TBC1D2B: variants seen among roughly 807,000 people sequenced by gnomAD.
The protein encoded by TBC1D2B is TBC1 domain family, member 2B.
In TBC1D2B, 64 loss-of-function variants were observed where a neutral mutation model predicts 100.8. The ratio of observed to expected loss-of-function variants is 0.64; its 90% CI spans 0.52 to 0.78. The LOEUF (loss-of-function observed/expected upper bound fraction) is 0.78. TBC1D2B is among the 30% of genes least tolerant of loss of function. The pLI, the probability that TBC1D2B is intolerant of heterozygous loss-of-function variation, is 0.00. For synonymous variants in TBC1D2B, 480 were observed against 479.7 expected, an observed-to-expected ratio of 1.00 and a Z score of -0.01; for missense variants, 1,052 against 1,218.4, an observed-to-expected ratio of 0.86 and a Z score of 2.03.
chr15:78,070,633 CA>C (rs888451438), intron 1 of TBC1D2B, among the ~76,000 whole-genome samples: 1 of 152,174 alleles, frequency 6.6e-6, no homozygotes, highest in Non-Finnish European at 1.5e-5. Context: ...ATCTACAAGG[CA>C]AGGGCAGTTT....
At chr15:78,005,622 C>T (rs2072045065) in intron 10 of TBC1D2B, among the ~76,000 whole-genome samples, 1 of 152,148 alleles carries the variant, frequency 6.6e-6, no homozygotes, top group Non-Finnish European at 1.5e-5. Context: ...AATGCTCATG[C>T]TATAATGTGA....
intron 4 of TBC1D2B, among the ~76,000 whole-genome samples, chr15:78,027,045 C>G (rs2072688972): frequency 6.6e-6 from 1 of 151,276 alleles, no homozygotes; most frequent in South Asian, 2.1e-4. Flanking sequence ...ACAGATACTC[C>G]ATCACTAAAA....
chr15:78,011,578 C>T (rs1178107729), intron 9 of TBC1D2B, among the ~76,000 whole-genome samples: 1 of 150,758 alleles, frequency 6.6e-6, no homozygotes, highest in Non-Finnish European at 1.5e-5. Flanking sequence ...TCAAGCGATC[C>T]TCCCACCTCA....
chr15:78,065,395 CA>C (rs1005927132), intron 1 of TBC1D2B, among the ~76,000 whole-genome samples: 16 of 152,320 alleles, frequency 1.1e-4, no homozygotes, highest in African/African-American at 3.9e-4. Context: ...TCTCACAGCC[CA>C]GGCCACCCAG....
intron 9 of TBC1D2B, among the ~76,000 whole-genome samples, chr15:78,011,786 T>G (rs1342830336): frequency 2.0e-5 from 3 of 151,904 alleles, no homozygotes; most frequent in African/African-American, 7.3e-5. Context: ...GTAGCTGGGA[T>G]TACAGGCATG....
chr15:78,018,660 C>G (rs1402854045), intron 6 of TBC1D2B, among the ~76,000 whole-genome samples: 2 of 152,188 alleles, frequency 1.3e-5, no homozygotes, highest in Non-Finnish European at 2.9e-5. Context: ...ACTTTGAGAG[C>G]AGGTCGGGGC....
At chr15:78,058,100 T>C (rs1364020447) in intron 1 of TBC1D2B, among the ~76,000 whole-genome samples, 2 of 152,234 alleles carry the variant, frequency 1.3e-5, no homozygotes, top group Admixed American at 1.3e-4. Flanking sequence ...ATACACTGAA[T>C]AAATACGATA....
At chr15:78,072,902 G>A (rs1223377026) in intron 1 of TBC1D2B, among the ~76,000 whole-genome samples, 5 of 152,138 alleles carry the variant, frequency 3.3e-5, no homozygotes, top group African/African-American at 1.2e-4. Context: ...TTCCAGACAT[G>A]TCCAGCAAAA....
At chr15:78,010,480 T>G (rs2072194677) in intron 9 of TBC1D2B, among the ~76,000 whole-genome samples, 2 of 152,044 alleles carry the variant, frequency 1.3e-5, no homozygotes, top group African/African-American at 4.8e-5. Context: ...TAGATAAAAC[T>G]ATAATGAACT....
intron 12 of TBC1D2B, among the ~76,000 whole-genome samples, chr15:78,001,079 C>T (rs2071899747): frequency 1.3e-5 from 2 of 152,354 alleles, no homozygotes; most frequent in South Asian, 2.1e-4. Flanking sequence ...TGGCACCAGC[C>T]GGGCTGAGCT....
intron 10 of TBC1D2B, among the ~76,000 whole-genome samples, chr15:78,007,101 A>T (rs776112034): frequency 3.9e-4 from 59 of 152,172 alleles, no homozygotes; most frequent in Non-Finnish European, 7.4e-4. Context: ...CTTCCCAGGG[A>T]GATGAGCGAT....
chr15:78,051,613 A>C (rs2073315508), intron 2 of TBC1D2B, among the ~76,000 whole-genome samples: 1 of 152,218 alleles, frequency 6.6e-6, no homozygotes, highest in Admixed American at 6.5e-5. Context: ...CTAGACTACA[A>C]ATCAAAATGT....
At chr15:78,047,645 G>A (rs1053001374) in intron 2 of TBC1D2B, among the ~76,000 whole-genome samples, 5 of 152,158 alleles carry the variant, frequency 3.3e-5, no homozygotes, top group Non-Finnish European at 7.4e-5. Context: ...AGAAAAAAAA[G>A]TTCAAACACC....
chr15:78,040,609 AG>A (rs752392269), intron 3 of TBC1D2B, among the ~76,000 whole-genome samples: 6,534 of 124,286 alleles, frequency 0.053, 346 homozygotes, highest in African/African-American at 0.12. Context: ...AGAAAGTGAG[AG>A]AGAAAGAAAG....
chr15:78,027,463 G>A (rs530757281), intron 4 of TBC1D2B, among the ~76,000 whole-genome samples: 1 of 152,344 alleles, frequency 6.6e-6, no homozygotes, highest in African/African-American at 2.4e-5. Context: ...TGAATAACAT[G>A]GACAAGTTGG....
At chr15:78,023,400 T>C (rs748672761) in intron 6 of TBC1D2B, among the ~76,000 whole-genome samples, 1 of 152,138 alleles carries the variant, frequency 6.6e-6, no homozygotes, top group African/African-American at 2.4e-5. Context: ...AGCAAGAATG[T>C]TATGATCCTC....
At chr15:78,033,740 T>A (rs1443068768) in intron 3 of TBC1D2B, among the ~76,000 whole-genome samples, 1 of 152,162 alleles carries the variant, frequency 6.6e-6, no homozygotes, top group African/African-American at 2.4e-5. Flanking sequence ...TTTTCTGAGG[T>A]GGATTAAAGG....
chr15:78,048,705 C>T (rs2073250972), intron 2 of TBC1D2B, among the ~76,000 whole-genome samples: 1 of 152,232 alleles, frequency 6.6e-6, no homozygotes, highest in African/African-American at 2.4e-5. Flanking sequence ...AAGAGCCCTT[C>T]CCACTTACTG....
At chr15:78,065,487 T>G (rs912838827) in intron 1 of TBC1D2B, among the ~76,000 whole-genome samples, 37 of 152,194 alleles carry the variant, frequency 2.4e-4, no homozygotes, top group Admixed American at 2.2e-3. Context: ...ACAGGAAATG[T>G]AGAAGCCTGT....
Sources: gnomAD v4.1 joint callset for allele counts (sites outside exome capture counted in the v4.1 genomes callset) on GRCh38, gnomAD v4.1.1 for gene constraint, MANE v1.5 for transcripts, NCBI Gene and HGNC (gene_info 2026-07-23, HGNC 2026-07-21) for gene names.